The following GPRC5A variants were observed in gnomAD, a reference collection of about 807,000 sequenced individuals.
GPRC5A encodes retinoic acid-induced protein 3.
Under a neutral mutation model 22.5 loss-of-function variants are expected in GPRC5A, and 19 were observed. The observed-to-expected ratio is 0.85, with a 90% CI of 0.59 to 1.24. The LOEUF (loss-of-function observed/expected upper bound fraction) is 1.24. GPRC5A is among the 50% of genes most tolerant of loss of function. The pLI is 0.00. For missense variants in GPRC5A, 471 were observed against 451.1 expected (o/e 1.04, Z -0.40); for synonymous variants, 192 against 184.5 (o/e 1.04, Z -0.33).
At chr12:12,895,821 C>CAAAAAAAAAAAA (rs34696528) in intron 1 of GPRC5A, among the ~76,000 whole-genome samples, 6 of 75,602 alleles carry the variant, frequency 7.9e-5, no homozygotes, top group African/African-American at 3.1e-4. Context: ...ACTAAAAATA[C>CAAAAAAAAAAAA]AAAAAAAAAA....
chr12:12,904,884 G>GTT (rs146219111), intron 1 of GPRC5A, among the ~76,000 whole-genome samples: 47 of 127,276 alleles, frequency 3.7e-4, no homozygotes, highest in Non-Finnish European at 5.2e-4. Flanking sequence ...AAATTTTGTG[G>GTT]TTTTTTTTTT....
At chr12:12,900,888 T>A (rs1417944215) in intron 1 of GPRC5A, among the ~76,000 whole-genome samples, 1 of 24,128 alleles carries the variant, frequency 4.1e-5, no homozygotes, top group African/African-American at 2.2e-4. Context: ...AAAAACTCCG[T>A]CTCAAAAAAA....
intron 1 of GPRC5A, among the ~76,000 whole-genome samples, chr12:12,906,127 C>T (rs1213248388): frequency 6.6e-6 from 1 of 152,198 alleles, no homozygotes; most frequent in Non-Finnish European, 1.5e-5. Flanking sequence ...GATTCAGATC[C>T]TGGCTGTGCC....
At position 12,909,140 on chromosome 12, in the gene GPRC5A, C is replaced by G; in HGVS notation, c.891C>G (p.Asn297Lys). Reference sequence around the variant, plus strand: ...TGAAGAAGAGCTATGGTGTGGAGAACAGAGCCTACTCTCAAGAGGAAATCA... The same window carrying G: ...TGAAGAAGAGCTATGGTGTGGAGAAGAGAGCCTACTCTCAAGAGGAAATCA... ...QLVKKSYGVENRAYSQEEITQ... is the reference protein window; with the variant it reads ...QLVKKSYGVEKRAYSQEEITQ... The change falls in exon 2 of 4, where the codon AAC becomes AAG. Residue 297 changes from asparagine to lysine, a missense_variant. Coordinates refer to ENST00000014914, the MANE Select transcript of GPRC5A (RefSeq NM_003979.4). 6.3e-7 allele frequency: 1 copy of G among 1,596,632 alleles called. No individual in the cohort carries two copies. The highest frequency in any genetic ancestry group is 8.5e-7 in the Non-Finnish European group (1 of 1,177,720).
Position 12,908,457 on chromosome 12 carries a change from C to T in GPRC5A, c.208C>T (p.Leu70Phe), listed in dbSNP as rs1036101368. The change falls in exon 2 of 4, where the codon CTC (leucine) becomes TTC (phenylalanine). Residue 70 changes from leucine (L) to phenylalanine (F), a missense_variant. Transcript: ENST00000014914. ...NRRKMLPTQFLFLLGVLGIFG... is the reference protein window; with the variant it reads ...NRRKMLPTQFFFLLGVLGIFG... ...GCGAAAAATGCTGCCTACTCAGTTT[C>T]TCTTCCTCCTGGGTGTGTTGGGCAT... The T allele has an allele frequency of 4.3e-6, 7 of 1,613,958 alleles. No individual in the cohort carries two copies. The highest frequency in any genetic ancestry group is 5.1e-6 in the Non-Finnish European group (6 of 1,179,980).
At position 12,914,136 on chromosome 12, in the gene GPRC5A, A is replaced by G. The variant is rs1864034452; in HGVS notation, c.*1597A>G. 1 of 152,362 alleles carries G rather than the reference A, an allele frequency of 6.6e-6. No homozygotes were observed. The highest frequency in any genetic ancestry group is 2.1e-4 in the South Asian group (1 of 4,834). 9.4% of individuals were successfully genotyped at this position (152,362 alleles called of 1,614,324 possible). On this transcript the variant is annotated 3_prime_UTR_variant, in exon 4 of 4. Coordinates refer to ENST00000014914, the MANE Select transcript of GPRC5A (RefSeq NM_003979.4). ...AATCTCTCTTTCGTTATGGAAAAAA[A>G]ATAATCCCTCTACATAGAAACTGAG... is the stretch of plus-strand genomic sequence containing the variant.
chr12:12,909,168 C>G lies in GPRC5A; in HGVS notation c.919C>G (p.Gln307Glu). The G allele has an allele frequency of 8.2e-6, 13 of 1,578,578 alleles. No homozygotes were observed. Among genetic ancestry groups the G allele is most frequent in the Non-Finnish European group, 1.1e-5 (13 of 1,165,972 alleles). ...NRAYSQEEIT[Q>E]GFEETGDTLY... ...AGCCTACTCTCAAGAGGAAATCACT[C>G]AAGGTACAGATGCAGCCTGGCTAGG... The change falls in exon 2 of 4, where the codon CAA (glutamine) becomes GAA (glutamate). Residue 307 changes from glutamine to glutamate, a missense_variant. Transcript: ENST00000014914.
chr12:12,907,700 T>G, intron 1 of GPRC5A, among the ~76,000 whole-genome samples: 1 of 152,172 alleles, frequency 6.6e-6, no homozygotes, highest in Admixed American at 6.5e-5. Context: ...GACGTGATCA[T>G]AGCTCACTGC....
At position 12,915,736 on chromosome 12, in the gene GPRC5A, T is replaced by A; in HGVS notation, c.*3197T>A. On this transcript the variant is annotated 3_prime_UTR_variant, in exon 4 of 4. Transcript: ENST00000014914. ...CGAACTCCAAACCTCGTGATCCACC[T>A]ACCTTGGCCTCTGAAAGTGCTGGGA... The A allele has an allele frequency of 2.8e-6, 1 of 360,476 alleles. No homozygotes were observed. The allele number at this position is 360,476 out of a possible 1,614,324, so 22.3% of individuals were successfully genotyped here. A position where few individuals can be genotyped will look rare whatever the true frequency, so the allele number is the denominator to read the frequency against.
rs1864014214 is a variant in GPRC5A at position 12,912,387 on chromosome 12, A to C, written c.982-60A>C. Reference sequence around the variant, plus strand: ...GAAATGAGACTTCTGCCCAGACTGGAGACCTGTTGAAATGGCAGGAACTGG... The same window carrying C: ...GAAATGAGACTTCTGCCCAGACTGGCGACCTGTTGAAATGGCAGGAACTGG... On this transcript the variant is annotated intron_variant, in intron 3 of 3. Transcript: ENST00000014914. 1.0e-5 allele frequency: 11 copies of C among 1,097,018 alleles called. No individual in the cohort carries two copies. The South Asian group carries it at 1.1e-4, about 11-fold the overall frequency. The allele number at this position is 1,097,018 out of a possible 1,614,324, so 68.0% of individuals were successfully genotyped here. A position where few individuals can be genotyped will look rare whatever the true frequency, so the allele number is the denominator to read the frequency against.
Position 12,908,705 on chromosome 12 carries a change from T to C in GPRC5A, c.456T>C (p.Tyr152=). 1 of 1,614,054 alleles carries C rather than the reference T, an allele frequency of 6.2e-7. No homozygotes were observed. Residue 152 remains tyrosine (Y), a synonymous_variant, in exon 2 of 4, where the codon TAT becomes TAC. Transcript: ENST00000014914. ...SLVQDVIAIE[Y]IVLTMNRTNV... is the part of the protein sequence containing the mutation. ...TCCAGGATGTTATCGCTATTGAATATATTGTCCTGACCATGAATAGGACCA... is the reference window on the plus strand; with the variant it reads ...TCCAGGATGTTATCGCTATTGAATACATTGTCCTGACCATGAATAGGACCA...
intron 1 of GPRC5A, among the ~76,000 whole-genome samples, chr12:12,897,311 G>A (rs1161379643): frequency 1.3e-5 from 2 of 151,148 alleles, no homozygotes; most frequent in Non-Finnish European, 2.9e-5. Flanking sequence ...GTTAAATCTT[G>A]GGCAAAGTTT....
chr12:12,898,721 G>A (rs190532779), intron 1 of GPRC5A, among the ~76,000 whole-genome samples: 44 of 152,238 alleles, frequency 2.9e-4, no homozygotes, highest in South Asian at 8.3e-4. Context: ...TCTGACAGTG[G>A]TGCCACTCAG....
chr12:12,908,615 C>G lies in GPRC5A; in HGVS notation c.366C>G (p.Leu122=), dbSNP rs142201347. 4 of 1,613,900 alleles carry G rather than the reference C, an allele frequency of 2.5e-6. No homozygotes were observed. The African/African-American group carries it at 4.0e-5, about 16-fold the overall frequency. Residue 122 remains leucine, a synonymous_variant, in exon 2 of 4, where the codon CTC becomes CTG. Coordinates refer to ENST00000014914, the MANE Select transcript of GPRC5A (RefSeq NM_003979.4). ...LLAHAVSLTK[L]VRGRKPLSLL... is the part of the protein sequence containing the mutation. The stretch of plus-strand genomic sequence containing the variant: ...CTCATGCTGTCAGTCTGACCAAGCT[C>G]GTCCGGGGGAGGAAGCCCCTTTCCC...
At chr12:12,900,357 T>C (rs1274384579) in intron 1 of GPRC5A, among the ~76,000 whole-genome samples, 1 of 152,164 alleles carries the variant, frequency 6.6e-6, no homozygotes, top group Non-Finnish European at 1.5e-5. Flanking sequence ...GAGCTGAACA[T>C]GAGTTCAGAC....
chr12:12,902,805 C>T (rs1450594096), intron 1 of GPRC5A, among the ~76,000 whole-genome samples: 1 of 152,088 alleles, frequency 6.6e-6, no homozygotes, highest in Non-Finnish European at 1.5e-5. Flanking sequence ...CGGTGGCTCA[C>T]GCCTGTAATC....
In GPRC5A at chr12:12,897,025, G is replaced by A. The variant is rs779421662; in HGVS notation, c.-8+5361G>A. Among the ~76,000 whole-genome samples the A allele has an allele frequency of 2.2e-4, 33 of 152,112 alleles. No homozygotes were observed. In the Middle Eastern group the frequency reaches 0.01, roughly 47 times the overall value. On this transcript the variant is annotated intron_variant, in intron 1 of 3. Coordinates refer to ENST00000014914, the MANE Select transcript of GPRC5A (RefSeq NM_003979.4). ...GTGGATCACTTGAGCCCAGGAGTTCGAGACCAGCTTGGCCAACATAGCAAA... is the reference window on the plus strand; with the variant it reads ...GTGGATCACTTGAGCCCAGGAGTTCAAGACCAGCTTGGCCAACATAGCAAA...
intron 1 of GPRC5A, among the ~76,000 whole-genome samples, chr12:12,903,092 A>G (rs2136458710): frequency 6.6e-6 from 1 of 152,248 alleles, no homozygotes; most frequent in South Asian, 2.1e-4. Context: ...AAAGAAAAAA[A>G]AATACACATA....
At chr12:12,896,170 A>G (rs1863821167) in intron 1 of GPRC5A, among the ~76,000 whole-genome samples, 1 of 152,138 alleles carries the variant, frequency 6.6e-6, no homozygotes. Flanking sequence ...ATTCACATTA[A>G]TCAAGTCTAC....
Sources: gnomAD v4.1 joint callset for allele counts (sites outside exome capture counted in the v4.1 genomes callset) on GRCh38, gnomAD v4.1.1 for gene constraint, MANE v1.5 for transcripts, NCBI Gene and HGNC (gene_info 2026-07-23, HGNC 2026-07-21) for gene names.